GPM6B: variants seen among roughly 807,000 people sequenced by gnomAD.
GPM6B encodes the protein glycoprotein M6B, also known as neuronal membrane glycoprotein M6-b.
A neutral mutation model predicts 27.2 loss-of-function variants in GPM6B; 4 were observed. The ratio of observed to expected loss-of-function variants is 0.15; its 90% CI spans 0.07 to 0.34. GPM6B has a LOEUF of 0.34. GPM6B is among the 10% of genes least tolerant of loss of function. GPM6B has a pLI of 1.00. For synonymous variants in GPM6B, 124 were observed against 103.1 expected, an observed-to-expected ratio of 1.20 and a Z score of -1.23; for missense variants, 183 against 261.9, an observed-to-expected ratio of 0.70 and a Z score of 2.08.
intron 1 of GPM6B, among the ~76,000 whole-genome samples, chrX:13,891,620 A>G: frequency 8.9e-6 from 1 of 112,399 alleles, no homozygotes; most frequent in Middle Eastern, 4.6e-3. Context: ...ACGCACTGCT[A>G]TGTGTCCGTG....
intron 1 of GPM6B, among the ~76,000 whole-genome samples, chrX:13,870,232 C>T (rs1244933108): frequency 1.8e-5 from 2 of 110,405 alleles, no homozygotes; most frequent in Non-Finnish European, 3.8e-5. Flanking sequence ...GCATCTGCCT[C>T]GAGATGCCAC....
At chrX:13,852,448 C>T (rs2147242723) in intron 1 of GPM6B, among the ~76,000 whole-genome samples, 1 of 111,286 alleles carries the variant, frequency 9.0e-6, no homozygotes, top group South Asian at 3.8e-4. Flanking sequence ...AGGAAGTATA[C>T]ACAGAGTTCT....
intron 1 of GPM6B, among the ~76,000 whole-genome samples, chrX:13,919,597 C>T (rs1465826665): frequency 8.9e-6 from 1 of 112,137 alleles, no homozygotes; most frequent in Non-Finnish European, 1.9e-5. Flanking sequence ...TTACTGACTT[C>T]AACTAAATAT....
chrX:13,931,784 TCCTACTCTCTCCCATA>T (rs1351807302), intron 1 of GPM6B, among the ~76,000 whole-genome samples: 2 of 112,088 alleles, frequency 1.8e-5, no homozygotes, highest in Admixed American at 1.9e-4. Context: ...AAATCGTATT[TCCTACTCTCTCCCATA>T]CCTACTCTCT....
chrX:13,865,567 GAAAGAAAGAAAAGAAAAGAAAAAAAAAAC>G (rs2049904901), intron 1 of GPM6B, among the ~76,000 whole-genome samples: 2 of 47,512 alleles, frequency 4.2e-5, no homozygotes, highest in African/African-American at 1.4e-4. Context: ...AAAAAAGAAA[GAAAGAAAGAAAAGAAAAGAAAAAAAAAAC>G]AAAGAAAAAT....
At chrX:13,892,192 C>T (rs942798697) in intron 1 of GPM6B, among the ~76,000 whole-genome samples, 12 of 111,520 alleles carry the variant, frequency 1.1e-4, no homozygotes, top group Non-Finnish European at 1.9e-5. Context: ...GAAAAGCGAG[C>T]GTTCAAAACA....
intron 1 of GPM6B, among the ~76,000 whole-genome samples, chrX:13,844,091 G>A (rs1031567968): frequency 1.8e-5 from 2 of 112,117 alleles, no homozygotes; most frequent in African/African-American, 3.3e-5. Flanking sequence ...TGAGGTAGGG[G>A]TGCAACTTCA....
chrX:13,787,490 A>G (rs1210182097), intron 2 of GPM6B, among the ~76,000 whole-genome samples: 2 of 111,699 alleles, frequency 1.8e-5, no homozygotes, highest in Admixed American at 1.9e-4. Flanking sequence ...CAGGAGGAAG[A>G]GGTTGCGGTG....
chrX:13,938,530 G>A (rs1388992525), upstream of GPM6B: 9 of 903,012 alleles, frequency 1.0e-5, no homozygotes, highest in Non-Finnish European at 9.6e-6. Flanking sequence ...CTGGCGGGAG[G>A]GGTGAGGGCT....
intron 1 of GPM6B, among the ~76,000 whole-genome samples, chrX:13,809,398 T>C (rs1047653874): frequency 4.5e-5 from 5 of 112,144 alleles, no homozygotes; most frequent in African/African-American, 1.6e-4. Flanking sequence ...CTTCTGTGTC[T>C]CCTAAAGAAA....
intron 7 of GPM6B, chrX:13,773,864 C>T (rs1373846154): frequency 2.3e-6 from 1 of 428,786 alleles, no homozygotes; most frequent in Non-Finnish European, 2.9e-6. Flanking sequence ...TTATTACTTA[C>T]CAAAACACAC....
chrX:13,842,259 C>G (rs1247303006), intron 1 of GPM6B, among the ~76,000 whole-genome samples: 5 of 112,009 alleles, frequency 4.5e-5, no homozygotes, highest in Non-Finnish European at 9.4e-5. Flanking sequence ...TGACCTTTGG[C>G]TTTTAAAATA....
chrX:13,911,537 T>C (rs1284417700), intron 1 of GPM6B, among the ~76,000 whole-genome samples: 1 of 112,595 alleles, frequency 8.9e-6, no homozygotes. Flanking sequence ...TAATTGTAAC[T>C]AATTTCAATT....
intron 1 of GPM6B, among the ~76,000 whole-genome samples, chrX:13,853,854 T>C (rs1018137902): frequency 1.1e-4 from 12 of 111,482 alleles, no homozygotes; most frequent in African/African-American, 2.9e-4. Flanking sequence ...GCATAAGCCA[T>C]AGTGTTAGCA....
At chrX:13,780,799 G>A (rs1397624366) in intron 4 of GPM6B, 1 of 171,694 alleles carries the variant, frequency 5.8e-6, no homozygotes, top group African/African-American at 3.2e-5. Context: ...CGTGGTATTT[G>A]TGTTCTCAGA....
chrX:13,823,200 G>C (rs976788537), intron 1 of GPM6B, among the ~76,000 whole-genome samples: 1 of 112,388 alleles, frequency 8.9e-6, no homozygotes, highest in Non-Finnish European at 1.9e-5. Context: ...AATCAAACTG[G>C]TTGGTGTATA....
chrX:13,773,272 A>T, intron 7 of GPM6B: 2 of 249,110 alleles, frequency 8.0e-6, no homozygotes, highest in Non-Finnish European at 1.4e-5. Flanking sequence ...GGCCAAAGGT[A>T]TTGTTAAGAA....
At chrX:13,803,969 C>A (rs1261750009) in intron 2 of GPM6B, among the ~76,000 whole-genome samples, 1 of 111,867 alleles carries the variant, frequency 8.9e-6, no homozygotes, top group African/African-American at 3.3e-5. Context: ...TTATCTTTTC[C>A]AAAGATAAAG....
At position 13,779,798 on chromosome X, in the gene GPM6B, G is replaced by A. The variant is rs747725783; in HGVS notation, c.697+20C>T. The stretch of plus-strand genomic sequence containing the variant: ...AGGATAATGAAATAACTGGGGGAGG[G>A]GTGAATTAGAAGGAAGTACCGTATT... On this transcript the variant is annotated intron_variant, in intron 5 of 7. Transcript: ENST00000316715. The A allele has an allele frequency of 1.8e-6, 2 of 1,134,577 alleles. No individual in the cohort carries two copies. Among genetic ancestry groups the A allele is most frequent in the Non-Finnish European group, 2.4e-6 (2 of 842,272 alleles). The allele number at this position is 1,134,577 out of a possible 1,213,427, so 93.5% of individuals were successfully genotyped here. A position where few individuals can be genotyped will look rare whatever the true frequency, so the allele number is the denominator to read the frequency against.
Sources: gnomAD v4.1 joint callset for allele counts (sites outside exome capture counted in the v4.1 genomes callset) on GRCh38, gnomAD v4.1.1 for gene constraint, MANE v1.5 for transcripts, NCBI Gene and HGNC (gene_info 2026-07-23, HGNC 2026-07-21) for gene names.